The following STK33 variants were observed in gnomAD, a reference collection of about 807,000 sequenced individuals.
The protein encoded by STK33 is serine/threonine-protein kinase 33.
In STK33, 52 loss-of-function variants were observed where a neutral mutation model predicts 58.0. That is an observed-to-expected ratio of 0.90 (90% CI 0.72 to 1.13). STK33 has a LOEUF of 1.13. Among genes scored for constraint, STK33 ranks in the 50% most tolerant of loss-of-function variants. The probability of loss-of-function intolerance (pLI) is 0.00; values close to 1 mark genes in which losing one functional copy is unlikely to be tolerated. For synonymous variants in STK33, 215 were observed against 200.1 expected (o/e 1.07, Z -0.63); for missense variants, 630 against 604.2 (o/e 1.04, Z -0.45).
At chr11:8,399,293 A>G (rs181477171) in intron 15 of STK33, among the ~76,000 whole-genome samples, 20 of 152,344 alleles carry the variant, frequency 1.3e-4, no homozygotes, top group African/African-American at 4.1e-4. Context: ...CAATCAAACT[A>G]GAACTCAGGA....
chr11:8,337,575 G>GCGGAGCCA, the STK33 span, among the ~76,000 whole-genome samples: 1 of 149,758 alleles, frequency 6.7e-6, no homozygotes, highest in African/African-American at 2.5e-5. Flanking sequence ...CTTTGGGACC[G>GCGGAGCCA]CGGAGCCACG....
intron 1 of STK33, among the ~76,000 whole-genome samples, chr11:8,564,760 C>T (rs1591815728): frequency 6.6e-6 from 1 of 152,134 alleles, no homozygotes; most frequent in Non-Finnish European, 1.5e-5. Flanking sequence ...TGCTATTCCC[C>T]AGGTCTAGCG....
At chr11:8,446,768 C>A (rs1945528006) in intron 11 of STK33, among the ~76,000 whole-genome samples, 1 of 152,058 alleles carries the variant, frequency 6.6e-6, no homozygotes, top group African/African-American at 2.4e-5. Flanking sequence ...TAGCCATATG[C>A]AGAAAACTGA....
chr11:8,343,705 C>G, the STK33 span, among the ~76,000 whole-genome samples: 1 of 152,110 alleles, frequency 6.6e-6, no homozygotes, highest in Non-Finnish European at 1.5e-5. Flanking sequence ...TTCCCCAGCA[C>G]CCCCTCTCCA....
chr11:8,483,360 G>C (rs536344325), intron 1 of STK33, among the ~76,000 whole-genome samples: 1 of 152,164 alleles, frequency 6.6e-6, no homozygotes, highest in African/African-American at 2.4e-5. Context: ...CTCCTGGGAT[G>C]AGAAGTGAGA....
chr11:8,553,204 TATATATATA>T (rs1956470070), intron 1 of STK33, among the ~76,000 whole-genome samples: 1 of 76,418 alleles, frequency 1.3e-5, no homozygotes, highest in Non-Finnish European at 2.4e-5. Context: ...ATATGGTGTA[TATATATATA>T]TATATATATA....
intron 1 of STK33, among the ~76,000 whole-genome samples, chr11:8,585,946 G>T (rs1206090302): frequency 3.9e-5 from 6 of 152,034 alleles, no homozygotes; most frequent in African/African-American, 1.4e-4. Context: ...CCAGCTACTT[G>T]GGAGGCTGAG....
chr11:8,496,866 G>A (rs555869402), intron 1 of STK33, among the ~76,000 whole-genome samples: 29 of 151,896 alleles, frequency 1.9e-4, no homozygotes, highest in Non-Finnish European at 3.5e-4. Flanking sequence ...GAGCCACTGC[G>A]CCCGGCTGAT....
At chr11:8,340,268 C>T in the STK33 span, among the ~76,000 whole-genome samples, 1 of 152,220 alleles carries the variant, frequency 6.6e-6, no homozygotes, top group South Asian at 2.1e-4. Flanking sequence ...TCTAGTACAA[C>T]TCAATGCCCC....
intron 15 of STK33, among the ~76,000 whole-genome samples, chr11:8,412,617 G>T (rs7126521): frequency 6.6e-6 from 1 of 152,116 alleles, no homozygotes; most frequent in South Asian, 2.1e-4. Flanking sequence ...TCTGCACTCT[G>T]CCTAATTCTG....
intron 1 of STK33, among the ~76,000 whole-genome samples, chr11:8,557,460 T>C (rs1956844109): frequency 6.6e-6 from 1 of 151,830 alleles, no homozygotes; most frequent in South Asian, 2.1e-4. Context: ...AAAATCAGAA[T>C]AAAAACCTGT....
intron 1 of STK33, among the ~76,000 whole-genome samples, chr11:8,529,243 T>C (rs1954315141): frequency 6.6e-6 from 1 of 152,218 alleles, no homozygotes; most frequent in Admixed American, 6.5e-5. Flanking sequence ...GAAAACATAA[T>C]TGCTGATGCT....
intron 11 of STK33, among the ~76,000 whole-genome samples, chr11:8,446,678 T>A (rs1051119619): frequency 1.3e-5 from 2 of 152,112 alleles, no homozygotes; most frequent in South Asian, 2.1e-4. Flanking sequence ...TCTACAACCA[T>A]CTGATCTTTG....
At chr11:8,560,415 T>C (rs947314201) in intron 1 of STK33, among the ~76,000 whole-genome samples, 1 of 152,146 alleles carries the variant, frequency 6.6e-6, no homozygotes, top group Non-Finnish European at 1.5e-5. Context: ...TTTTCTCATC[T>C]TTTTCTTGTT....
chr11:8,346,819 C>T, the STK33 span, among the ~76,000 whole-genome samples: 96 of 152,254 alleles, frequency 6.3e-4, no homozygotes, highest in African/African-American at 2.3e-3. Flanking sequence ...TTGGGGAACA[C>T]GAGCTATCTG....
the STK33 span, among the ~76,000 whole-genome samples, chr11:8,368,669 C>T: frequency 0.25 from 38,201 of 152,226 alleles, 5,713 homozygotes; most frequent in East Asian, 0.4. Flanking sequence ...GTGGCAGGTT[C>T]TTGCCTCCCC....
intron 14 of STK33, among the ~76,000 whole-genome samples, chr11:8,424,825 T>C (rs1042266385): frequency 7.1e-6 from 1 of 141,602 alleles, no homozygotes; most frequent in African/African-American, 2.8e-5. Flanking sequence ...TGCCCACTTT[T>C]TGATGGGGTT....
At chr11:8,580,469 G>A (rs11041997) in intron 1 of STK33, among the ~76,000 whole-genome samples, 78,059 of 150,650 alleles carry the variant, frequency 0.52, 20,314 homozygotes, top group African/African-American at 0.54. Flanking sequence ...ACTAGAGGCT[G>A]GGAAGGAGAA....
intron 15 of STK33, among the ~76,000 whole-genome samples, chr11:8,401,320 C>A (rs1937897362): frequency 2.6e-5 from 4 of 152,138 alleles, no homozygotes; most frequent in Admixed American, 2.6e-4. Context: ...TGCTGCATAT[C>A]TACAACCATC....
Sources: gnomAD v4.1 joint callset for allele counts (sites outside exome capture counted in the v4.1 genomes callset) on GRCh38, gnomAD v4.1.1 for gene constraint, MANE v1.5 for transcripts, NCBI Gene and HGNC (gene_info 2026-07-23, HGNC 2026-07-21) for gene names.